KIAA1549L: variants seen among roughly 807,000 people sequenced by gnomAD.
KIAA1549L encodes the protein UPF0606 protein KIAA1549L.
KIAA1549L carries 88 observed loss-of-function variants against 160.7 expected under a neutral mutation model. The observed-to-expected ratio is 0.55, with a 90% confidence interval of 0.46 to 0.65. The LOEUF is 0.65. Ranked by LOEUF, KIAA1549L falls within the 30% of genes least tolerant of loss-of-function variation. The pLI, the probability that KIAA1549L is intolerant of heterozygous loss-of-function variation, is 0.00. For synonymous variants in KIAA1549L, 950 were observed against 976.7 expected (o/e 0.97, Z 0.51); for missense variants, 2,258 against 2,437.5 (o/e 0.93, Z 1.55).
intron 20 of KIAA1549L, among the ~76,000 whole-genome samples, chr11:33,666,806 C>T (rs943018527): frequency 6.6e-6 from 1 of 152,186 alleles, no homozygotes; most frequent in African/African-American, 2.4e-5. Context: ...GCAGACAGAC[C>T]TCTGCAAAGA....
chr11:33,625,511 G>T (rs1438366006), intron 16 of KIAA1549L, among the ~76,000 whole-genome samples: 1 of 152,204 alleles, frequency 6.6e-6, no homozygotes, highest in Admixed American at 6.5e-5. Context: ...AATGGCCAGT[G>T]ATGGTGAGCA....
chr11:33,510,611 G>A lies in KIAA1549L; in HGVS notation c.239-31191G>A, dbSNP rs183889788. On this transcript the variant is annotated intron_variant, in intron 1 of 20. Coordinates refer to ENST00000658780, the MANE Select transcript of KIAA1549L (RefSeq NM_012194.3). ...AGAAAGCCCATGTCCTAAAACAGGG[G>A]CAGGTAGCCCTGAAAGCAAAGGCAT... Among the ~76,000 whole-genome samples the A allele has an allele frequency of 9.8e-5, 15 of 152,348 alleles. No homozygotes were observed. The East Asian group carries it at 2.9e-3, about 29-fold the overall frequency.
intron 1 of KIAA1549L, among the ~76,000 whole-genome samples, chr11:33,404,019 G>A (rs1399904320): frequency 3.3e-5 from 5 of 152,174 alleles, no homozygotes; most frequent in African/African-American, 9.7e-5. Context: ...CCAGGTTCAT[G>A]CACCCATAGA....
chr11:33,542,780 T>C lies in KIAA1549L; in HGVS notation c.1217T>C (p.Phe406Ser). Residue 406 changes from phenylalanine (F) to serine (S), a missense_variant, in exon 2 of 21, where the codon TTT (phenylalanine) becomes TCT (serine). Physicochemically the swap from Phe to Ser is radical, Grantham distance 155 (BLOSUM62 -2). Coordinates refer to ENST00000658780, the MANE Select transcript of KIAA1549L (RefSeq NM_012194.3). ...RVHNGVSLPTFKNTETATHEA... is the reference protein window; with the variant it reads ...RVHNGVSLPTSKNTETATHEA... ...CACAATGGGGTGTCTTTGCCAACTT[T>C]TAAGAATACAGAAACAGCGACCCAT... The C allele has an allele frequency of 6.2e-7, 1 of 1,613,854 alleles. No individual in the cohort carries two copies. The highest frequency in any genetic ancestry group is 8.5e-7 in the Non-Finnish European group (1 of 1,179,848).
Position 33,577,602 on chromosome 11 carries a change from G to A in KIAA1549L, c.4402+2729G>A, listed in dbSNP as rs1221739683. Among the ~76,000 whole-genome samples, 7 of 152,174 alleles carry A rather than the reference G, an allele frequency of 4.6e-5. No individual in the cohort carries two copies. The South Asian group carries it at 1.2e-3, about 27-fold the overall frequency. On this transcript the variant is annotated intron_variant, in intron 10 of 20. Transcript: ENST00000658780. ...ATGGAAGCTTGCGGACGCTGTCTCC[G>A]ATTGTTTCTGCTCTCTTGGGTATAA...
chr11:33,428,546 T>C (rs975610966), intron 1 of KIAA1549L, among the ~76,000 whole-genome samples: 6 of 151,682 alleles, frequency 4.0e-5, no homozygotes, highest in Non-Finnish European at 8.8e-5. Context: ...TGAGAACATG[T>C]GGTGTTTGGT....
intron 1 of KIAA1549L, among the ~76,000 whole-genome samples, chr11:33,425,199 TATACGTTAGTA>T: frequency 6.6e-6 from 1 of 152,236 alleles, no homozygotes; most frequent in Non-Finnish European, 1.5e-5. Context: ...AAGATTTGTA[TATACGTTAGTA>T]TCTAGAGCAG....
intron 1 of KIAA1549L, among the ~76,000 whole-genome samples, chr11:33,496,119 A>G (rs1852813102): frequency 6.6e-6 from 1 of 152,026 alleles, no homozygotes; most frequent in East Asian, 1.9e-4. Flanking sequence ...TCCTGCCACT[A>G]CACCTGGCTA....
chr11:33,389,091 C>T (rs1850226274), intron 1 of KIAA1549L, among the ~76,000 whole-genome samples: 1 of 152,190 alleles, frequency 6.6e-6, no homozygotes, highest in Admixed American at 6.5e-5. Context: ...ACGTCAGACA[C>T]ACAAAATGGT....
intron 1 of KIAA1549L, among the ~76,000 whole-genome samples, chr11:33,531,406 C>T (rs537161607): frequency 3.9e-5 from 6 of 152,048 alleles, no homozygotes; most frequent in African/African-American, 1.2e-4. Context: ...ACATGGGAGG[C>T]GGAGGTTGCA....
At chr11:33,525,625 G>A (rs1048193120) in intron 1 of KIAA1549L, among the ~76,000 whole-genome samples, 2 of 152,112 alleles carry the variant, frequency 1.3e-5, no homozygotes, top group African/African-American at 4.8e-5. Context: ...GTGCATATAT[G>A]AGTGCAGAAG....
intron 12 of KIAA1549L, 30 bp downstream of exon 12, chr11:33,591,451 G>C (rs771443133): frequency 5.2e-6 from 8 of 1,535,774 alleles, no homozygotes; most frequent in Non-Finnish European, 7.1e-6. Flanking sequence ...CTGCCTCTCT[G>C]TGTCAGCAAG....
At chr11:33,650,855 G>A (rs1047733463) in intron 17 of KIAA1549L, among the ~76,000 whole-genome samples, 9 of 152,128 alleles carry the variant, frequency 5.9e-5, no homozygotes, top group South Asian at 2.1e-4. Context: ...CCTGCACCCC[G>A]TGGAAGGAGG....
intron 1 of KIAA1549L, among the ~76,000 whole-genome samples, chr11:33,436,641 T>C (rs557276404): frequency 3.3e-5 from 5 of 152,380 alleles, no homozygotes; most frequent in African/African-American, 1.2e-4. Flanking sequence ...ATTGTTTTTA[T>C]TACTTTGTAG....
chr11:33,609,731 G>A lies in KIAA1549L; in HGVS notation c.5062-18G>A. ...CCCACTGGGTCAGGTTTGGGCCTGA[G>A]ACTGCCTCTCTCCCCAGGTGAACAA... On this transcript the variant is annotated intron_variant, in intron 14 of 20. Transcript: ENST00000658780. 1 of 1,586,050 alleles carries A rather than the reference G, an allele frequency of 6.3e-7. No individual in the cohort carries two copies. The highest frequency in any genetic ancestry group is 8.6e-7 in the Non-Finnish European group (1 of 1,166,098).
intron 1 of KIAA1549L, among the ~76,000 whole-genome samples, chr11:33,405,341 A>G (rs1850622629): frequency 6.6e-6 from 1 of 152,174 alleles, no homozygotes; most frequent in Admixed American, 6.5e-5. Flanking sequence ...GGGGTTGTGT[A>G]GCGAGATAAC....
At chr11:33,507,990 T>C (rs966108724) in intron 1 of KIAA1549L, among the ~76,000 whole-genome samples, 5 of 152,338 alleles carry the variant, frequency 3.3e-5, no homozygotes, top group African/African-American at 1.2e-4. Context: ...CTTGAAGGAC[T>C]GGGCTGCCAA....
chr11:33,551,182 C>A lies in KIAA1549L; in HGVS notation c.3644C>A (p.Thr1215Asn), dbSNP rs781455990. ...GTCACTGCAGACCTGAAGCAACACA[C>A]CCCACACTTACAGTCTGTGGCAGTA... ...SNVTADLKQH[T>N]PHLQSVAVLA... The change falls in exon 5 of 21, where the codon ACC (threonine) becomes AAC (asparagine). Residue 1215 changes from threonine (T) to asparagine (N), a missense_variant. Coordinates refer to ENST00000658780, the MANE Select transcript of KIAA1549L (RefSeq NM_012194.3). 6.2e-7 allele frequency: 1 copy of A among 1,613,990 alleles called. No homozygotes were observed. Among genetic ancestry groups the A allele is most frequent in the Admixed American group, 1.7e-5 (1 of 60,034 alleles).
intron 14 of KIAA1549L, among the ~76,000 whole-genome samples, chr11:33,609,225 A>C (rs1850584136): frequency 6.6e-6 from 1 of 152,258 alleles, no homozygotes; most frequent in Admixed American, 6.5e-5. Flanking sequence ...TGTCAGATGC[A>C]GGTTGACAGT....
Sources: allele counts gnomAD v4.1 joint callset (sites outside exome capture counted in the v4.1 genomes callset), GRCh38; gene constraint gnomAD v4.1.1; transcripts MANE v1.5; gene names NCBI Gene and HGNC (gene_info 2026-07-23, HGNC 2026-07-21).